The following FAM107B variants were observed in gnomAD, a reference collection of about 807,000 sequenced individuals.
FAM107B encodes the protein family with sequence similarity 107 member B.
FAM107B carries 21 observed loss-of-function variants against 31.5 expected under a neutral mutation model. The ratio of observed to expected loss-of-function variants is 0.67; its 90% CI spans 0.47 to 0.96. The LOEUF is 0.96. Ranked by LOEUF, FAM107B falls within the 40% of genes least tolerant of loss-of-function variation. The pLI is 0.00. For synonymous variants in FAM107B, 157 were observed against 141.5 expected, an observed-to-expected ratio of 1.11 and a Z score of -0.78; for missense variants, 452 against 377.1, an observed-to-expected ratio of 1.20 and a Z score of -1.64.
At chr10:14,701,542 G>A (rs561201871) in intron 1 of FAM107B, among the ~76,000 whole-genome samples, 1 of 152,210 alleles carries the variant, frequency 6.6e-6, no homozygotes, top group African/African-American at 2.4e-5. Context: ...ACCATGCCTG[G>A]CCAAAAACCT....
At chr10:14,645,189 G>A (rs1356320752) in intron 2 of FAM107B, among the ~76,000 whole-genome samples, 7 of 152,164 alleles carry the variant, frequency 4.6e-5, no homozygotes, top group Admixed American at 3.9e-4. Flanking sequence ...CATGCTGCTG[G>A]AGAAATGTAG....
At chr10:14,527,999 C>CTTTT in intron 3 of FAM107B, 5 of 307,044 alleles carry the variant, frequency 1.6e-5, no homozygotes, top group Non-Finnish European at 1.9e-5. Context: ...TCTGCCTTTT[C>CTTTT]TTTTTTTTTT....
rs371126997 is a variant in FAM107B at position 14,594,501 on chromosome 10, C to CAA, written c.470-63988_470-63987dup. On this transcript the variant is annotated intron_variant, in intron 2 of 4. Transcript: ENST00000181796. ...CCTCCATGACAGAGCAAGACCCTGCCAAAAAAAAAAAAAAAACAAAAAAAA... is the reference window on the plus strand; with the variant it reads ...CCTCCATGACAGAGCAAGACCCTGCCAAAAAAAAAAAAAAAAAACAAAAAAAA... 8.5e-3 allele frequency among the ~76,000 whole-genome samples: 675 copies of CAA among 79,788 alleles called. 12 individuals carry two copies. Among genetic ancestry groups the CAA allele is most frequent in the East Asian group, 0.013 (39 of 3,024 alleles). 52.3% of individuals were successfully genotyped at this position (79,788 alleles called of 152,430 possible).
intron 1 of FAM107B, among the ~76,000 whole-genome samples, chr10:14,726,403 C>T (rs1856037365): frequency 6.6e-6 from 1 of 152,128 alleles, no homozygotes; most frequent in Non-Finnish European, 1.5e-5. Flanking sequence ...CAGAGCCGAG[C>T]AGAACAGGTG....
At chr10:14,642,728 C>T (rs1276243780) in intron 2 of FAM107B, among the ~76,000 whole-genome samples, 2 of 152,154 alleles carry the variant, frequency 1.3e-5, no homozygotes, top group Non-Finnish European at 2.9e-5. Flanking sequence ...TCCCTATAAG[C>T]AATCAGGAAG....
chr10:14,773,683 C>T (rs1278001667), intron 1 of FAM107B, among the ~76,000 whole-genome samples: 2 of 152,148 alleles, frequency 1.3e-5, no homozygotes, highest in Non-Finnish European at 2.9e-5. Flanking sequence ...CTCCTGCCTT[C>T]AACTCTCAGA....
intron 2 of FAM107B, among the ~76,000 whole-genome samples, chr10:14,537,423 A>G (rs1350328417): frequency 2.0e-5 from 3 of 152,204 alleles, no homozygotes; most frequent in Non-Finnish European, 4.4e-5. Context: ...GGCAACCCGC[A>G]TCTGCATTCC....
At chr10:14,559,970 ATTCT>A (rs1229662320) in intron 2 of FAM107B, among the ~76,000 whole-genome samples, 4 of 152,030 alleles carry the variant, frequency 2.6e-5, no homozygotes, top group Non-Finnish European at 5.9e-5. Flanking sequence ...CCTCCTCCTA[ATTCT>A]TTCCATTTTC....
chr10:14,682,203 A>C (rs947893627), intron 1 of FAM107B, among the ~76,000 whole-genome samples: 1 of 152,242 alleles, frequency 6.6e-6, no homozygotes, highest in Non-Finnish European at 1.5e-5. Context: ...TATGCAGAAC[A>C]GACACAAATG....
intron 1 of FAM107B, among the ~76,000 whole-genome samples, chr10:14,679,094 G>T (rs1243384917): frequency 1.3e-5 from 2 of 152,140 alleles, no homozygotes; most frequent in Non-Finnish European, 2.9e-5. Flanking sequence ...GGAACTGTGT[G>T]AGCCTCAGTT....
chr10:14,717,848 A>G (rs74122965), intron 1 of FAM107B, among the ~76,000 whole-genome samples: 19,488 of 152,152 alleles, frequency 0.13, 1,602 homozygotes, highest in African/African-American at 0.23. Context: ...CCTCTCAACT[A>G]TCTCAGAAAC....
chr10:14,581,640 C>T (rs1851640053), intron 2 of FAM107B, among the ~76,000 whole-genome samples: 1 of 152,212 alleles, frequency 6.6e-6, no homozygotes, highest in African/African-American at 2.4e-5. Flanking sequence ...GTGGCTCATA[C>T]TTGTACTCCC....
intron 2 of FAM107B, among the ~76,000 whole-genome samples, chr10:14,572,744 T>TATATATAC (rs1167352674): frequency 3.0e-4 from 38 of 127,454 alleles, no homozygotes; most frequent in Non-Finnish European, 4.3e-4. Context: ...AAAATTTATA[T>TATATATAC]ATATATATAT....
chr10:14,650,484 C>T (rs1425528532), intron 2 of FAM107B, among the ~76,000 whole-genome samples: 6 of 152,118 alleles, frequency 3.9e-5, no homozygotes, highest in Non-Finnish European at 7.4e-5. Flanking sequence ...TGGGGTTTCA[C>T]CATGTTGGCC....
At chr10:14,641,765 A>G (rs1853634321) in intron 2 of FAM107B, among the ~76,000 whole-genome samples, 1 of 152,222 alleles carries the variant, frequency 6.6e-6, no homozygotes, top group Non-Finnish European at 1.5e-5. Context: ...TAGGGCTTCC[A>G]CATATGAATT....
At chr10:14,591,599 G>T (rs987778559) in intron 2 of FAM107B, among the ~76,000 whole-genome samples, 1 of 152,188 alleles carries the variant, frequency 6.6e-6, no homozygotes, top group Non-Finnish European at 1.5e-5. Flanking sequence ...TCAAACAACA[G>T]TCATCGATGA....
chr10:14,638,126 A>G (rs1375992104), intron 2 of FAM107B, among the ~76,000 whole-genome samples: 1 of 152,210 alleles, frequency 6.6e-6, no homozygotes, highest in Non-Finnish European at 1.5e-5. Context: ...AAAGATTTCT[A>G]AGACCTGCCC....
intron 1 of FAM107B, among the ~76,000 whole-genome samples, chr10:14,688,361 G>C (rs943185543): frequency 6.6e-6 from 1 of 152,088 alleles, no homozygotes; most frequent in Non-Finnish European, 1.5e-5. Flanking sequence ...GTGATCGCGT[G>C]AGTCAGCATC....
chr10:14,609,788 A>T (rs916050180), intron 2 of FAM107B, among the ~76,000 whole-genome samples: 2 of 152,234 alleles, frequency 1.3e-5, no homozygotes, highest in African/African-American at 2.4e-5. Flanking sequence ...CTATCTTAGA[A>T]TTCTATGACA....
Sources: allele counts gnomAD v4.1 joint callset (sites outside exome capture counted in the v4.1 genomes callset), GRCh38; gene constraint gnomAD v4.1.1; transcripts MANE v1.5; gene names NCBI Gene and HGNC (gene_info 2026-07-23, HGNC 2026-07-21).